Variants in HMGCLL1 observed in about 807,000 individuals in gnomAD.
HMGCLL1 encodes the protein 3-hydroxy-3-methylglutaryl-CoA lyase like 1.
In HMGCLL1, 36 loss-of-function variants were observed where a neutral mutation model predicts 39.1. The observed-to-expected ratio is 0.92, with a 90% CI of 0.71 to 1.22. HMGCLL1 has a LOEUF of 1.22. Among genes scored for constraint, HMGCLL1 ranks in the 50% most tolerant of loss-of-function variants. The pLI is 0.00. For synonymous variants in HMGCLL1, 149 were observed against 144.0 expected (o/e 1.03, Z -0.25); for missense variants, 451 against 416.5 (o/e 1.08, Z -0.72).
At chr6:55,477,851 G>A (rs1030875453) in intron 7 of HMGCLL1, among the ~76,000 whole-genome samples, 1 of 150,774 alleles carries the variant, frequency 6.6e-6, no homozygotes, top group Admixed American at 6.6e-5. Context: ...GTTCATGAGT[G>A]ACAATAGCCA....
intron 5 of HMGCLL1, chr6:55,513,337 A>G (rs1016927036): frequency 3.3e-5 from 5 of 152,160 alleles, no homozygotes; most frequent in African/African-American, 1.2e-4. Flanking sequence ...TGAACAGCTG[A>G]TAAGTTTCCA....
At chr6:55,560,308 T>C (rs1156291813) in intron 1 of HMGCLL1, among the ~76,000 whole-genome samples, 1 of 152,172 alleles carries the variant, frequency 6.6e-6, no homozygotes, top group African/African-American at 2.4e-5. Flanking sequence ...AGGATGTCTT[T>C]GCAACTCTAG....
Position 55,495,738 on chromosome 6 carries a change from T to C in HMGCLL1, c.607-131A>G, listed in dbSNP as rs1766542759. On this transcript the variant is annotated intron_variant, in intron 6 of 8. Transcript: ENST00000274901. ...AGTAATGTCCATGAAAAATATATAA[T>C]GTATTTTCTGGTCCTTTTTCTTTGC... The C allele has an allele frequency of 5.6e-6, 3 of 539,442 alleles. No homozygotes were observed. In the South Asian group the frequency reaches 1.2e-4, roughly 21 times the overall value. The allele number at this position is 539,442 out of a possible 1,614,324, so 33.4% of individuals were successfully genotyped here.
At chr6:55,505,861 G>A (rs2127431109) in intron 5 of HMGCLL1, among the ~76,000 whole-genome samples, 1 of 151,722 alleles carries the variant, frequency 6.6e-6, no homozygotes, top group South Asian at 2.1e-4. Context: ...TAAAGAAAAT[G>A]GCATAACCTC....
At chr6:55,553,157 C>A (rs145951491) in intron 1 of HMGCLL1, among the ~76,000 whole-genome samples, 13,948 of 116,312 alleles carry the variant, frequency 0.12, 737 homozygotes, top group African/African-American at 0.18. Flanking sequence ...CTCTCTCTCT[C>A]TCTATATATA....
chr6:55,496,629 C>G (rs1221280901), intron 6 of HMGCLL1, among the ~76,000 whole-genome samples: 1 of 152,030 alleles, frequency 6.6e-6, no homozygotes, highest in African/African-American at 2.4e-5. Flanking sequence ...TAGTGAAATA[C>G]CATAAACCTT....
At chr6:55,587,332 C>G in the HMGCLL1 span, among the ~76,000 whole-genome samples, 5 of 151,970 alleles carry the variant, frequency 3.3e-5, no homozygotes, top group African/African-American at 4.8e-5. Context: ...AATTTTCTCC[C>G]ATTCTGTAGG....
At chr6:55,566,939 T>C (rs1444127984) in intron 1 of HMGCLL1, among the ~76,000 whole-genome samples, 1 of 152,134 alleles carries the variant, frequency 6.6e-6, no homozygotes, top group Non-Finnish European at 1.5e-5. Flanking sequence ...TTGGCTAAAA[T>C]CACCTAAAGT....
At chr6:55,557,615 A>G (rs1770742547) in intron 1 of HMGCLL1, among the ~76,000 whole-genome samples, 1 of 151,968 alleles carries the variant, frequency 6.6e-6, no homozygotes, top group African/African-American at 2.4e-5. Context: ...CATTTTAGAG[A>G]CACCATATTT....
the HMGCLL1 span, among the ~76,000 whole-genome samples, chr6:55,587,257 T>C: frequency 6.6e-6 from 1 of 152,114 alleles, no homozygotes; most frequent in African/African-American, 2.4e-5. Context: ...TTTTTTCTTG[T>C]AAATTTGTTT....
At chr6:55,669,180 A>T in the HMGCLL1 span, among the ~76,000 whole-genome samples, 1 of 151,772 alleles carries the variant, frequency 6.6e-6, no homozygotes, top group Non-Finnish European at 1.5e-5. Flanking sequence ...ACATGCCTGG[A>T]TCTATCATTA....
the HMGCLL1 span, among the ~76,000 whole-genome samples, chr6:55,629,848 G>C: frequency 6.6e-6 from 1 of 152,154 alleles, no homozygotes. Context: ...ATCAAGAATT[G>C]GAGTTTGGGA....
At chr6:55,437,974 G>A (rs924798747) in intron 8 of HMGCLL1, among the ~76,000 whole-genome samples, 1 of 152,038 alleles carries the variant, frequency 6.6e-6, no homozygotes, top group Non-Finnish European at 1.5e-5. Context: ...GTTGCCTTGG[G>A]TGACTAGTTG....
At chr6:55,599,681 A>G in the HMGCLL1 span, among the ~76,000 whole-genome samples, 3 of 152,216 alleles carry the variant, frequency 2.0e-5, no homozygotes, top group East Asian at 1.9e-4. Context: ...CAGCATAACC[A>G]TGGATGCAAG....
intron 7 of HMGCLL1, among the ~76,000 whole-genome samples, chr6:55,444,211 C>A (rs1057157415): frequency 6.6e-6 from 1 of 152,000 alleles, no homozygotes; most frequent in African/African-American, 2.4e-5. Context: ...AATTGGAATT[C>A]TTTGGGTGAG....
chr6:55,527,469 C>T (rs931789759), intron 3 of HMGCLL1, among the ~76,000 whole-genome samples: 2 of 151,898 alleles, frequency 1.3e-5, no homozygotes, highest in Admixed American at 1.3e-4. Context: ...GCCTTCTGAC[C>T]CTACTTCGAT....
the HMGCLL1 span, among the ~76,000 whole-genome samples, chr6:55,597,640 AG>A: frequency 6.6e-6 from 1 of 152,118 alleles, no homozygotes; most frequent in East Asian, 1.9e-4. Context: ...ATTATATTTG[AG>A]GGATGGTAGA....
chr6:55,593,796 A>C, the HMGCLL1 span, among the ~76,000 whole-genome samples: 1 of 152,156 alleles, frequency 6.6e-6, no homozygotes, highest in Non-Finnish European at 1.5e-5. Flanking sequence ...CTCATATATT[A>C]GTCCATTTAC....
chr6:55,632,416 C>A, the HMGCLL1 span, among the ~76,000 whole-genome samples: 2 of 150,000 alleles, frequency 1.3e-5, no homozygotes, highest in Non-Finnish European at 1.5e-5. Flanking sequence ...TAGATAATTT[C>A]TTATAATTAA....
Sources: gnomAD v4.1 joint callset for allele counts (sites outside exome capture counted in the v4.1 genomes callset) on GRCh38, gnomAD v4.1.1 for gene constraint, MANE v1.5 for transcripts, NCBI Gene and HGNC (gene_info 2026-07-23, HGNC 2026-07-21) for gene names.